Variants in DFFB observed in about 807,000 individuals in gnomAD.
DFFB encodes the protein DNA fragmentation factor 40 kDa subunit.
DFFB carries 29 observed loss-of-function variants against 32.7 expected under a neutral mutation model. The ratio of observed to expected loss-of-function variants is 0.89; its 90% CI spans 0.66 to 1.21. DFFB has a LOEUF of 1.21. DFFB is among the 50% of genes most tolerant of loss of function. DFFB has a pLI of 0.00. For synonymous variants in DFFB, 170 were observed against 177.1 expected, an observed-to-expected ratio of 0.96 and a Z score of 0.32; for missense variants, 398 against 440.6, an observed-to-expected ratio of 0.90 and a Z score of 0.87.
chr1:3,867,955 C>T lies in DFFB; in HGVS notation c.431-19C>T, dbSNP rs1329548932. 2 of 1,613,764 alleles carry T rather than the reference C, an allele frequency of 1.2e-6. No individual in the cohort carries two copies. On this transcript the variant is annotated intron_variant, in intron 3 of 6. Transcript: ENST00000378209. ...TGGCCTGCCCTGTGGACTTGGGGGT[C>T]TTCTCGTTTTCCTTGCAGGCTTGGA...
intron 5 of DFFB, among the ~76,000 whole-genome samples, chr1:3,870,095 G>A (rs1220282460): frequency 1.3e-5 from 2 of 152,240 alleles, no homozygotes; most frequent in African/African-American, 4.8e-5. Flanking sequence ...TGGAACGGCA[G>A]CTGGTTACTG....
intron 2 of DFFB, among the ~76,000 whole-genome samples, chr1:3,860,256 A>G (rs571339598): frequency 1.8e-4 from 28 of 151,546 alleles, no homozygotes; most frequent in African/African-American, 6.8e-4. Flanking sequence ...TTATATTTTG[A>G]AACTTTGTTG....
At chr1:3,881,869 C>CAA (rs77630554) in intron 6 of DFFB, among the ~76,000 whole-genome samples, 10 of 139,714 alleles carry the variant, frequency 7.2e-5, no homozygotes, top group African/African-American at 7.9e-5. Context: ...GACTCTGTTT[C>CAA]AAAAAAAAAA....
Position 3,865,514 on chromosome 1 carries a change from CG to C in DFFB, c.242-297del. On this transcript the variant is annotated intron_variant, in intron 2 of 6. Coordinates refer to ENST00000378209, the MANE Select transcript of DFFB (RefSeq NM_004402.4). This position sits in a 1 kb window ranked among gnomAD's most constrained non-coding sequence, Gnocchi z 4.7. ...CTCCAGGAAGGGCCAAAGTGGGGGGCGTATGGTTTGGAGGGGAGGAGGCCAA... is the reference window on the plus strand; with the variant it reads ...CTCCAGGAAGGGCCAAAGTGGGGGGCTATGGTTTGGAGGGGAGGAGGCCAA... 1 of 537,510 alleles carries C rather than the reference CG, an allele frequency of 1.9e-6. No homozygotes were observed. The highest frequency in any genetic ancestry group is 3.4e-6 in the Non-Finnish European group (1 of 297,320). The allele number at this position is 537,510 out of a possible 1,614,324, so 33.3% of individuals were successfully genotyped here. A position where few individuals can be genotyped will look rare whatever the true frequency, so the allele number is the denominator to read the frequency against.
At position 3,857,566 on chromosome 1, in the gene DFFB, A is replaced by G. The variant is rs34891610; in HGVS notation, c.-38A>G. The G allele has an allele frequency of 0.28, 400,171 of 1,455,100 alleles. 57,522 individuals are homozygous for G. The highest frequency in any genetic ancestry group is 0.48 in the African/African-American group (33,128 of 69,490). 90.1% of individuals were successfully genotyped at this position (1,455,100 alleles called of 1,614,324 possible). On this transcript the variant is annotated 5_prime_UTR_variant, in exon 1 of 7. Transcript: ENST00000378209. The stretch of plus-strand genomic sequence containing the variant: ...TCTGAGCAGCTGGGCAGCAGGTGCC[A>G]CCGCCTGTGGGACCCAGAGGGCTTG...
chr1:3,866,270 G>T, intron 3 of DFFB: 1 of 526,214 alleles, frequency 1.9e-6, no homozygotes, highest in East Asian at 4.8e-5. Context: ...ATGGAGTCTT[G>T]CTCTGTCCCC....
In DFFB at chr1:3,885,124, G is replaced by C. The variant is rs541834829; in HGVS notation, c.*1383G>C. The C allele has an allele frequency of 9.2e-5, 14 of 152,330 alleles. No individual in the cohort carries two copies. Among genetic ancestry groups the C allele is most frequent in the African/African-American group, 3.4e-4 (14 of 41,574 alleles). The allele number at this position is 152,330 out of a possible 1,614,324, so 9.4% of individuals were successfully genotyped here. A position where few individuals can be genotyped will look rare whatever the true frequency, so the allele number is the denominator to read the frequency against. Reference sequence around the variant, plus strand: ...CAGCTGAACCCTGCTCCGTTGGTCAGCGTTACTATCATCTCGGATCATATG... The same window carrying C: ...CAGCTGAACCCTGCTCCGTTGGTCACCGTTACTATCATCTCGGATCATATG... On this transcript the variant is annotated 3_prime_UTR_variant, in exon 7 of 7. Transcript: ENST00000378209.
At chr1:3,857,790 C>A in intron 1 of DFFB, 73 bp downstream of exon 1, 2 of 1,145,882 alleles carry the variant, frequency 1.7e-6, no homozygotes, top group East Asian at 3.2e-5. Context: ...CGCTTTTCCT[C>A]TTCCAAAACG....
chr1:3,871,617 C>T (rs1301213104), intron 5 of DFFB, among the ~76,000 whole-genome samples: 1 of 152,226 alleles, frequency 6.6e-6, no homozygotes, highest in East Asian at 1.9e-4. Flanking sequence ...CTCCCTAAAG[C>T]AGTATACCCT....
intron 5 of DFFB, among the ~76,000 whole-genome samples, chr1:3,871,837 TGTG>T (rs1645118591): frequency 6.6e-6 from 1 of 152,062 alleles, no homozygotes; most frequent in African/African-American, 2.4e-5. Context: ...AACTCACACT[TGTG>T]GTGGAAGGGG....
chr1:3,859,131 A>C (rs1289025619), intron 2 of DFFB, among the ~76,000 whole-genome samples: 1 of 152,166 alleles, frequency 6.6e-6, no homozygotes, highest in Non-Finnish European at 1.5e-5. Flanking sequence ...TCCCAAGAGC[A>C]GAGGGAGGGC....
chr1:3,862,447 A>G (rs1158749085), intron 2 of DFFB, among the ~76,000 whole-genome samples: 1 of 152,246 alleles, frequency 6.6e-6, no homozygotes, highest in African/African-American at 2.4e-5. Flanking sequence ...GAGGACCCAC[A>G]TATTCTGATT....
At chr1:3,866,161 A>T in intron 3 of DFFB, 161 bp downstream of exon 3, 1 of 717,460 alleles carries the variant, frequency 1.4e-6, no homozygotes, top group Non-Finnish European at 2.4e-6. Flanking sequence ...AGCATTTCCC[A>T]GCCTCGTGGG....
At chr1:3,875,293 T>C (rs967819151) in intron 6 of DFFB, among the ~76,000 whole-genome samples, 6 of 152,236 alleles carry the variant, frequency 3.9e-5, no homozygotes, top group Non-Finnish European at 8.8e-5. Context: ...TAGCAACATC[T>C]GGGAGCTGGG....
chr1:3,865,585 A>C lies in DFFB; in HGVS notation c.242-227A>C, dbSNP rs1477248757. The C allele has an allele frequency of 3.0e-6, 2 of 674,804 alleles. No homozygotes were observed. The highest frequency in any genetic ancestry group is 3.6e-5 in the African/African-American group (2 of 55,900). 41.8% of individuals were successfully genotyped at this position (674,804 alleles called of 1,614,324 possible). On this transcript the variant is annotated intron_variant, in intron 2 of 6. Coordinates refer to ENST00000378209, the MANE Select transcript of DFFB (RefSeq NM_004402.4). The surrounding 1 kb of genome is among the most constrained non-coding windows in gnomAD (Gnocchi z 4.7). ...TTGGTGCGCTTTCATCTGTCCTCTAAAGCACACCCTGCCCCTCCCTCCTCT... is the reference window on the plus strand; with the variant it reads ...TTGGTGCGCTTTCATCTGTCCTCTACAGCACACCCTGCCCCTCCCTCCTCT...
Position 3,885,342 on chromosome 1 carries a change from A to G in DFFB, c.*1601A>G, listed in dbSNP as rs1638352874. 1 of 152,238 alleles carries G rather than the reference A, an allele frequency of 6.6e-6. No homozygotes were observed. The highest frequency in any genetic ancestry group is 6.5e-5 in the Admixed American group (1 of 15,286). 9.4% of individuals were successfully genotyped at this position (152,238 alleles called of 1,614,324 possible). ...TTTATTTTATAACATGTTAAAATGT[A>G]CTTTTTAAATTAAGTCATTTTGTAA... On this transcript the variant is annotated 3_prime_UTR_variant, in exon 7 of 7. Coordinates refer to ENST00000378209, the MANE Select transcript of DFFB (RefSeq NM_004402.4).
intron 1 of DFFB, among the ~76,000 whole-genome samples, chr1:3,858,114 T>C (rs1570884023): frequency 6.6e-6 from 1 of 152,216 alleles, no homozygotes; most frequent in East Asian, 1.9e-4. Flanking sequence ...CCCTCGCAGC[T>C]GGGGATTGCA....
intron 4 of DFFB, among the ~76,000 whole-genome samples, chr1:3,869,327 C>T (rs12734981): frequency 0.071 from 10,874 of 152,296 alleles, 385 homozygotes; most frequent in Non-Finnish European, 0.082. Context: ...TCCCAGAGTG[C>T]TGGGATTACA....
chr1:3,881,945 C>T (rs1645347094), intron 6 of DFFB, among the ~76,000 whole-genome samples: 1 of 152,052 alleles, frequency 6.6e-6, no homozygotes, highest in Admixed American at 6.5e-5. Flanking sequence ...GTTTAGCTCA[C>T]TCAACACCCA....
Sources: allele counts gnomAD v4.1 joint callset (sites outside exome capture counted in the v4.1 genomes callset), GRCh38; gene constraint gnomAD v4.1.1; non-coding constraint Gnocchi (gnomAD v3.1); transcripts MANE v1.5; gene names NCBI Gene and HGNC (gene_info 2026-07-23, HGNC 2026-07-21).